RBFOX1: variants seen among roughly 807,000 people sequenced by gnomAD.
The protein encoded by RBFOX1 is RNA binding fox-1 homolog 1.
A neutral mutation model predicts 57.7 loss-of-function variants in RBFOX1; 8 were observed. The ratio of observed to expected loss-of-function variants is 0.14; its 90% CI spans 0.08 to 0.25. RBFOX1 has a LOEUF of 0.25. Ranked by LOEUF, RBFOX1 falls within the 10% of genes least tolerant of loss-of-function variation. The probability of loss-of-function intolerance (pLI) is 1.00; values close to 1 mark genes in which losing one functional copy is unlikely to be tolerated. For missense variants in RBFOX1, 611 were observed against 548.5 expected, an observed-to-expected ratio of 1.11 and a Z score of -1.14; for synonymous variants, 326 against 222.4, an observed-to-expected ratio of 1.47 and a Z score of -4.15.
At chr16:7,624,949 G>T (rs1568155812) in intron 10 of RBFOX1, among the ~76,000 whole-genome samples, 2 of 152,186 alleles carry the variant, frequency 1.3e-5, no homozygotes, top group African/African-American at 4.8e-5. Flanking sequence ...AAGAAAGGAG[G>T]AAGAAAGAAA....
At position 7,710,911 on chromosome 16, in the gene RBFOX1, T is replaced by C. The variant is rs1222868122; in HGVS notation, c.*166T>C. The C allele has an allele frequency of 2.6e-6, 2 of 781,756 alleles. No individual in the cohort carries two copies. The highest frequency in any genetic ancestry group is 3.6e-6 in the Non-Finnish European group (2 of 559,520). The allele number at this position is 781,756 out of a possible 1,614,324, so 48.4% of individuals were successfully genotyped here. ...TTTTTTATCTTATACCTCAGATATT[T>C]TGTTCTGTGTATTTTAATATTGTGG... On this transcript the variant is annotated 3_prime_UTR_variant, in exon 16 of 16. Coordinates refer to ENST00000550418, the MANE Select transcript of RBFOX1 (RefSeq NM_018723.4).
chr16:6,806,507 A>T (rs1373262632), intron 3 of RBFOX1, among the ~76,000 whole-genome samples: 1 of 152,104 alleles, frequency 6.6e-6, no homozygotes, highest in East Asian at 1.9e-4. Flanking sequence ...ACCAGTAAAT[A>T]AAAGCATTTG....
chr16:6,018,036 A>G (rs1308457854), upstream of RBFOX1, among the ~76,000 whole-genome samples: 1 of 152,182 alleles, frequency 6.6e-6, no homozygotes, highest in Non-Finnish European at 1.5e-5. Context: ...AATGAGGTAG[A>G]CTGCCTGGGG....
intron 1 of RBFOX1, among the ~76,000 whole-genome samples, chr16:6,066,730 T>C (rs554261203): frequency 1.8e-4 from 27 of 152,260 alleles, no homozygotes; most frequent in Admixed American, 5.9e-4. Flanking sequence ...GTGCCAAGCA[T>C]TGGCCTTTGC....
chr16:6,695,341 A>G (rs561944648), intron 3 of RBFOX1, among the ~76,000 whole-genome samples: 1 of 149,452 alleles, frequency 6.7e-6, no homozygotes, highest in East Asian at 2.1e-4. Context: ...GCTTGAACCC[A>G]ACAGGTAGAG....
chr16:5,254,041 A>ATCCTCT (rs2062523057), intron 1 of RBFOX1, among the ~76,000 whole-genome samples: 1 of 152,096 alleles, frequency 6.6e-6, no homozygotes, highest in Non-Finnish European at 1.5e-5. Context: ...TTCCCCTTCA[A>ATCCTCT]GACTGTGGTC....
At chr16:5,991,447 G>A (rs1476239970) in intron 4 of RBFOX1, among the ~76,000 whole-genome samples, 1 of 152,128 alleles carries the variant, frequency 6.6e-6, no homozygotes, top group Admixed American at 6.6e-5. Context: ...TTTGTGCTGG[G>A]GAATGGCAAT....
intron 4 of RBFOX1, among the ~76,000 whole-genome samples, chr16:7,285,714 T>C (rs2095637661): frequency 6.6e-6 from 1 of 152,320 alleles, no homozygotes; most frequent in Admixed American, 6.5e-5. Flanking sequence ...ATAAATAACT[T>C]ATTCCTTTTC....
chr16:5,899,672 G>C (rs1219902492), intron 4 of RBFOX1, among the ~76,000 whole-genome samples: 1 of 152,186 alleles, frequency 6.6e-6, no homozygotes, highest in East Asian at 1.9e-4. Context: ...CATTATCAAA[G>C]CTGGAGAGTC....
intron 2 of RBFOX1, among the ~76,000 whole-genome samples, chr16:6,503,805 A>T (rs755934660): frequency 1.3e-5 from 2 of 152,176 alleles, no homozygotes; most frequent in African/African-American, 4.8e-5. Context: ...ACTCACCTGG[A>T]AAAGGTATAT....
intron 4 of RBFOX1, among the ~76,000 whole-genome samples, chr16:7,221,081 C>T (rs1368822489): frequency 6.6e-6 from 1 of 151,964 alleles, no homozygotes; most frequent in East Asian, 1.9e-4. Flanking sequence ...AAAATGAAGC[C>T]AGGTTGATGT....
intron 1 of RBFOX1, chr16:5,240,144 G>T: frequency 7.5e-7 from 1 of 1,337,282 alleles, no homozygotes; most frequent in Non-Finnish European, 1.0e-6. Context: ...GGTGCCGGGG[G>T]CGCGGGGGTG....
In RBFOX1 at chr16:7,713,057, A is replaced by T. The variant is rs749925574; in HGVS notation, c.*2312A>T. On this transcript the variant is annotated 3_prime_UTR_variant, in exon 16 of 16. Transcript: ENST00000550418. ...CCAAGATGCCAATAAGTCATTTTAAAATGTATGTCAGAGATGTAAACAAAC... is the reference window on the plus strand; with the variant it reads ...CCAAGATGCCAATAAGTCATTTTAATATGTATGTCAGAGATGTAAACAAAC... The T allele has an allele frequency of 6.6e-6, 1 of 152,204 alleles. No individual in the cohort carries two copies. Among genetic ancestry groups the T allele is most frequent in the Non-Finnish European group, 1.5e-5 (1 of 68,028 alleles). 9.4% of individuals were successfully genotyped at this position (152,204 alleles called of 1,614,324 possible). A position where few individuals can be genotyped will look rare whatever the true frequency, so the allele number is the denominator to read the frequency against.
intron 1 of RBFOX1, among the ~76,000 whole-genome samples, chr16:5,385,498 A>G (rs1452536177): frequency 2.0e-5 from 3 of 152,240 alleles, no homozygotes; most frequent in Admixed American, 6.5e-5. Context: ...GTGAATGATA[A>G]AGAAACAGAA....
intron 2 of RBFOX1, among the ~76,000 whole-genome samples, chr16:6,356,387 A>C (rs748351096): frequency 4.6e-5 from 7 of 152,206 alleles, no homozygotes; most frequent in Non-Finnish European, 1.0e-4. Context: ...GCCGTGAGCT[A>C]TGATTGTACC....
At chr16:6,506,205 C>T (rs1162923118) in intron 2 of RBFOX1, among the ~76,000 whole-genome samples, 6 of 152,000 alleles carry the variant, frequency 3.9e-5, no homozygotes, top group Non-Finnish European at 8.8e-5. Flanking sequence ...CATGTAGATG[C>T]CCCAAGTGGG....
intron 4 of RBFOX1, among the ~76,000 whole-genome samples, chr16:5,906,195 G>C (rs1401928068): frequency 6.6e-6 from 1 of 152,140 alleles, no homozygotes; most frequent in Non-Finnish European, 1.5e-5. Flanking sequence ...GCCTCAGACT[G>C]TGTCCTTATT....
chr16:5,418,863 G>A (rs141454871), intron 1 of RBFOX1, among the ~76,000 whole-genome samples: 11 of 152,264 alleles, frequency 7.2e-5, no homozygotes, highest in African/African-American at 9.6e-5. Context: ...CCTGGTCTAC[G>A]GAAGAGATAC....
intron 2 of RBFOX1, among the ~76,000 whole-genome samples, chr16:6,517,757 C>T (rs2096409741): frequency 3.9e-5 from 6 of 152,102 alleles, no homozygotes; most frequent in Non-Finnish European, 1.5e-5. Flanking sequence ...CTGCCACATC[C>T]CTTCATGGCC....
Sources: gnomAD v4.1 joint callset for allele counts (sites outside exome capture counted in the v4.1 genomes callset) on GRCh38, gnomAD v4.1.1 for gene constraint, MANE v1.5 for transcripts, NCBI Gene and HGNC (gene_info 2026-07-23, HGNC 2026-07-21) for gene names.